Variants in ALPK2 observed in about 807,000 individuals in gnomAD.
ALPK2 encodes the protein alpha kinase 2, also known as alpha-protein kinase 2.
Under a neutral mutation model 163.1 loss-of-function variants are expected in ALPK2, and 127 were observed. That is an observed-to-expected ratio of 0.78 (90% confidence interval 0.67 to 0.90). The LOEUF is 0.90. Ranked by LOEUF, ALPK2 falls within the 40% of genes least tolerant of loss-of-function variation. The pLI is 0.00. For missense variants in ALPK2, 2,360 were observed against 2,589.6 expected (o/e 0.91, Z 1.92); for synonymous variants, 953 against 959.1 (o/e 0.99, Z 0.12).
Position 58,580,037 on chromosome 18 carries a change from G to T in ALPK2, c.739C>A (p.Leu247Met). 1 of 1,614,214 alleles carries T rather than the reference G, an allele frequency of 6.2e-7. No homozygotes were observed. Among genetic ancestry groups the T allele is most frequent in the Non-Finnish European group, 8.5e-7 (1 of 1,180,034 alleles). The change falls in exon 4 of 13, where the codon CTG (leucine) becomes ATG (methionine). Residue 247 changes from leucine (L) to methionine (M), a missense_variant. Transcript: ENST00000361673. ...TCATCATGAGGACCATCATTGTTCA[G>T]GTCACCATCCGTGAACTTTGATGCC... The part of the protein sequence containing the change: ...SMASKFTDGD[L>M]NNDGPHDEGL...
Position 58,578,899 on chromosome 18 carries a change from C to T in ALPK2, c.1877G>A (p.Gly626Asp), listed in dbSNP as rs1159319822. 2 of 1,614,186 alleles carry T rather than the reference C, an allele frequency of 1.2e-6. No homozygotes were observed. Among genetic ancestry groups the T allele is most frequent in the South Asian group, 1.1e-5 (1 of 91,080 alleles). The change falls in exon 4 of 13, where the codon GGC (glycine) becomes GAC (aspartate). Residue 626 changes from glycine to aspartate, a missense_variant. Physicochemically the swap from Gly to Asp is moderately conservative, Grantham distance 94. Coordinates refer to ENST00000361673, the MANE Select transcript of ALPK2 (RefSeq NM_052947.4). Reference protein sequence around the residue: ...QTSTDSVSKEGNTNCKGEGMQ... With the variant: ...QTSTDSVSKEDNTNCKGEGMQ... ...GCCTTCTCCCTTGCAATTTGTGTTGCCTTCTTTGGAGACTGAGTCTGTTGA... is the reference window on the plus strand; with the variant it reads ...GCCTTCTCCCTTGCAATTTGTGTTGTCTTCTTTGGAGACTGAGTCTGTTGA...
intron 2 of ALPK2, among the ~76,000 whole-genome samples, chr18:58,608,718 C>T (rs974738700): frequency 1.3e-5 from 2 of 152,084 alleles, no homozygotes; most frequent in African/African-American, 4.8e-5. Context: ...GAGGCCGAGG[C>T]AGGGGGGTGA....
chr18:58,572,638 A>G (rs1341679852), intron 4 of ALPK2, among the ~76,000 whole-genome samples: 2 of 152,220 alleles, frequency 1.3e-5, no homozygotes, highest in African/African-American at 4.8e-5. Flanking sequence ...GTATGATTCC[A>G]TTTATGTAAC....
Position 58,481,610 on chromosome 18 carries a change from T to C in ALPK2, c.*213A>G. The stretch of plus-strand genomic sequence containing the variant: ...TCTTTGAGACCAATCGTTGATTCAA[T>C]CTCCCCATAAACCTGGTCGCAAATC... On this transcript the variant is annotated 3_prime_UTR_variant, in exon 13 of 13. Coordinates refer to ENST00000361673, the MANE Select transcript of ALPK2 (RefSeq NM_052947.4). 1 of 583,122 alleles carries C rather than the reference T, an allele frequency of 1.7e-6. No individual in the cohort carries two copies. Among genetic ancestry groups the C allele is most frequent in the Non-Finnish European group, 3.1e-6 (1 of 324,374 alleles). 36.1% of individuals were successfully genotyped at this position (583,122 alleles called of 1,614,324 possible).
intron 4 of ALPK2, among the ~76,000 whole-genome samples, chr18:58,541,506 T>C (rs1165891675): frequency 1.3e-5 from 2 of 152,248 alleles, no homozygotes; most frequent in Non-Finnish European, 2.9e-5. Context: ...CTCTTACTTT[T>C]AAATTAAAAT....
chr18:58,579,983 T>C lies in ALPK2; in HGVS notation c.793A>G (p.Lys265Glu), dbSNP rs747770821. The change falls in exon 4 of 13, where the codon AAA becomes GAA. Residue 265 changes from lysine (K) to glutamate (E), a missense_variant. Coordinates refer to ENST00000361673, the MANE Select transcript of ALPK2 (RefSeq NM_052947.4). Reference sequence around the variant, plus strand: ...CTGAAGCTAATGTATTTCTGTACTTTGGGATTTTGCTGACTAGAGCGTAAG... The same window carrying C: ...CTGAAGCTAATGTATTTCTGTACTTCGGGATTTTGCTGACTAGAGCGTAAG... Reference protein sequence around the residue: ...EGLRSSQQNPKVQKYISFSLP... With the variant: ...EGLRSSQQNPEVQKYISFSLP... The C allele has an allele frequency of 2.9e-5, 47 of 1,614,128 alleles. No individual in the cohort carries two copies. The highest frequency in any genetic ancestry group is 8.8e-5 in the South Asian group (8 of 91,082).
intron 10 of ALPK2, among the ~76,000 whole-genome samples, chr18:58,511,064 A>G (rs919948589): frequency 2.0e-5 from 3 of 152,208 alleles, no homozygotes; most frequent in East Asian, 1.9e-4. Context: ...CGTCCCATCA[A>G]TACCTAATTT....
chr18:58,540,871 G>A (rs1333960446), intron 4 of ALPK2, among the ~76,000 whole-genome samples: 2 of 152,166 alleles, frequency 1.3e-5, no homozygotes, highest in Non-Finnish European at 2.9e-5. Flanking sequence ...GATATTTACT[G>A]GGATGGTACC....
chr18:58,497,985 T>A, intron 12 of ALPK2, 64 bp downstream of exon 12: 1 of 1,474,492 alleles, frequency 6.8e-7, no homozygotes, highest in Non-Finnish European at 9.5e-7. Context: ...CCTGACAGTG[T>A]CTGCCTGGAA....
chr18:58,573,507 G>A (rs2051901271), intron 4 of ALPK2, among the ~76,000 whole-genome samples: 1 of 145,958 alleles, frequency 6.9e-6, no homozygotes, highest in African/African-American at 2.5e-5. Context: ...GATTCCCAAA[G>A]TACTGGGATT....
rs151276619 is a variant in ALPK2 at position 58,526,694 on chromosome 18, C to T, written c.5501+2397G>A. 1.6e-4 allele frequency among the ~76,000 whole-genome samples: 24 copies of T among 152,318 alleles called. No homozygotes were observed. In the East Asian group the frequency reaches 4.2e-3, roughly 27 times the overall value. ...TGCCACTGCTACACAGAGACTCAAACCAAGCTACCACTTTCTTCTTCTTGG... is the reference window on the plus strand; with the variant it reads ...TGCCACTGCTACACAGAGACTCAAATCAAGCTACCACTTTCTTCTTCTTGG... On this transcript the variant is annotated intron_variant, in intron 6 of 12. Coordinates refer to ENST00000361673, the MANE Select transcript of ALPK2 (RefSeq NM_052947.4).
chr18:58,599,272 T>A (rs1246372479), intron 3 of ALPK2, among the ~76,000 whole-genome samples: 1 of 152,188 alleles, frequency 6.6e-6, no homozygotes, highest in Non-Finnish European at 1.5e-5. Context: ...GAGTTCCTTG[T>A]CAGACCCTCG....
chr18:58,592,237 A>T (rs1251306198), intron 3 of ALPK2, among the ~76,000 whole-genome samples: 1 of 151,426 alleles, frequency 6.6e-6, no homozygotes, highest in African/African-American at 2.4e-5. Flanking sequence ...AGAAATTAGT[A>T]GAAGACATGG....
At chr18:58,584,469 C>CT (rs1485091454) in intron 3 of ALPK2, among the ~76,000 whole-genome samples, 1 of 152,228 alleles carries the variant, frequency 6.6e-6, no homozygotes, top group Non-Finnish European at 1.5e-5. Context: ...AAGAAAGAGC[C>CT]TTCTGCCCTG....
intron 1 of ALPK2, among the ~76,000 whole-genome samples, chr18:58,622,022 T>TAAA (rs760708751): frequency 0.019 from 2,509 of 134,060 alleles, 31 homozygotes; most frequent in East Asian, 0.074. Flanking sequence ...TGAGAGGGCT[T>TAAA]AAAAAAAAAA....
At chr18:58,585,588 T>G (rs1422327273) in intron 3 of ALPK2, among the ~76,000 whole-genome samples, 1 of 152,184 alleles carries the variant, frequency 6.6e-6, no homozygotes, top group Non-Finnish European at 1.5e-5. Context: ...TATTCTTATT[T>G]GATATATACG....
At position 58,523,985 on chromosome 18, in the gene ALPK2, A is replaced by C; in HGVS notation, c.5579T>G (p.Ile1860Ser). The C allele has an allele frequency of 6.2e-7, 1 of 1,614,190 alleles. No homozygotes were observed. The highest frequency in any genetic ancestry group is 2.2e-5 in the East Asian group (1 of 44,864). ...PKDQGLYYCC[I>S]KNSYGKVTAE... Reference sequence around the variant, plus strand: ...AGTCACTTTTCCGTAGCTGTTCTTGATGCAGCAGTAATAGAGTCCCTGGTC... The same window carrying C: ...AGTCACTTTTCCGTAGCTGTTCTTGCTGCAGCAGTAATAGAGTCCCTGGTC... Residue 1860 changes from isoleucine to serine, a missense_variant, in exon 7 of 13, where the codon ATC becomes AGC. Coordinates refer to ENST00000361673, the MANE Select transcript of ALPK2 (RefSeq NM_052947.4).
intron 3 of ALPK2, among the ~76,000 whole-genome samples, chr18:58,597,117 G>A (rs146256824): frequency 4.1e-4 from 62 of 152,214 alleles, no homozygotes; most frequent in African/African-American, 1.3e-3. Context: ...GTGAAACCCC[G>A]TCTCTACTAA....
chr18:58,617,017 C>T lies in ALPK2; in HGVS notation c.-20-5200G>A, dbSNP rs547100795. 1.1e-3 allele frequency among the ~76,000 whole-genome samples: 160 copies of T among 152,238 alleles called. 2 individuals carry two copies. The highest frequency in any genetic ancestry group is 3.6e-3 in the African/African-American group (151 of 41,540). On this transcript the variant is annotated intron_variant, in intron 1 of 12. Coordinates refer to ENST00000361673, the MANE Select transcript of ALPK2 (RefSeq NM_052947.4). ...TGAAGCCGAGAACACCCACCAGTGT[C>T]TGCAGCTTGGCGTATGGGGTAAATC...
Sources: allele counts gnomAD v4.1 joint callset (sites outside exome capture counted in the v4.1 genomes callset), GRCh38; gene constraint gnomAD v4.1.1; transcripts MANE v1.5; gene names NCBI Gene and HGNC (gene_info 2026-07-23, HGNC 2026-07-21).